ALS2: variants seen among roughly 807,000 people sequenced by gnomAD.
The protein encoded by ALS2 is alsin.
A neutral mutation model predicts 203.4 loss-of-function variants in ALS2; 117 were observed. That is an observed-to-expected ratio of 0.58 (90% CI 0.50 to 0.67). ALS2 has a LOEUF of 0.67. ALS2 is among the 30% of genes least tolerant of loss of function. ALS2 has a pLI of 0.00. For missense variants in ALS2, 1,715 were observed against 1,989.4 expected, an observed-to-expected ratio of 0.86 and a Z score of 2.62; for synonymous variants, 718 against 725.9, an observed-to-expected ratio of 0.99 and a Z score of 0.17.
In ALS2 at chr2:201,753,188, C is replaced by T; in HGVS notation, c.1695G>A (p.Glu565=). The change falls in exon 7 of 34, where the codon GAG becomes GAA. Residue 565 remains glutamate (E), a synonymous_variant. Transcript: ENST00000264276. ...GTGCAAGAGAATGGTAACCACCTGC[C>T]TCCAGATGGATTACTTCTTTGCCAT... ...CLDGKEVIHL[E]AGGYHSLALT... 1 of 1,614,132 alleles carries T rather than the reference C, an allele frequency of 6.2e-7. No homozygotes were observed. The highest frequency in any genetic ancestry group is 2.2e-5 in the East Asian group (1 of 44,872).
At position 201,723,028 on chromosome 2, in the gene ALS2, A is replaced by T; in HGVS notation, c.3702+15T>A. 6.4e-7 allele frequency: 1 copy of T among 1,574,298 alleles called. No homozygotes were observed. The highest frequency in any genetic ancestry group is 8.7e-7 in the Non-Finnish European group (1 of 1,155,652). ...AATTTATTAGGGAGAAAAAAAAAGA[A>T]AGCTAGTTTCCAACCTTTCCACTAA... On this transcript the variant is annotated intron_variant, in intron 23 of 33. Transcript: ENST00000264276.
intron 8 of ALS2, 76 bp from the exon 9 acceptor site, chr2:201,746,824 C>G: frequency 6.5e-7 from 1 of 1,539,358 alleles, no homozygotes; most frequent in Non-Finnish European, 8.9e-7. Context: ...GGAACTGAAA[C>G]GTTAGGTTGC....
In ALS2 at chr2:201,761,038, G is replaced by A. The variant is rs367631249; in HGVS notation, c.956C>T (p.Ser319Phe). The A allele has an allele frequency of 1.3e-4, 204 of 1,614,044 alleles. No homozygotes were observed. The highest frequency in any genetic ancestry group is 1.7e-4 in the Non-Finnish European group (201 of 1,180,032). Reference sequence around the variant, plus strand: ...TGTTCCCATGACATTTTGTTGAGAGGACATGGCATCGCTGCTTGTGATCTG... The same window carrying A: ...TGTTCCCATGACATTTTGTTGAGAGAACATGGCATCGCTGCTTGTGATCTG... ...SAQITSSDAM[S>F]SQQNVMGTTE... The change falls in exon 4 of 34, where the codon TCC (serine) becomes TTC (phenylalanine). Residue 319 changes from serine (S) to phenylalanine (F), a missense_variant. Physicochemically the swap from Ser to Phe is radical, Grantham distance 155. Around this residue, in one of 3 missense-constraint regions of ALS2, gnomAD observed 476 missense variants for 539.3 expected, o/e 0.88. Coordinates refer to ENST00000264276, the MANE Select transcript of ALS2 (RefSeq NM_020919.4).
At chr2:201,729,009 T>C (rs1298082492) in intron 14 of ALS2, 43 bp downstream of exon 14, 1 of 1,613,848 alleles carries the variant, frequency 6.2e-7, no homozygotes, top group African/African-American at 1.3e-5. Flanking sequence ...ATCGAAATGG[T>C]TGCTGTTTGC....
chr2:201,755,645 T>A (rs907614372), intron 5 of ALS2, among the ~76,000 whole-genome samples: 1 of 152,216 alleles, frequency 6.6e-6, no homozygotes, highest in Non-Finnish European at 1.5e-5. Context: ...AAAGAATTCA[T>A]TTTAGCTATA....
Position 201,749,605 on chromosome 2 carries a change from G to A in ALS2, c.1815+107C>T, listed in dbSNP as rs561175169. 4.1e-5 allele frequency: 45 copies of A among 1,092,432 alleles called. No individual in the cohort carries two copies. The South Asian group carries it at 6.0e-4, about 15-fold the overall frequency. The allele number at this position is 1,092,432 out of a possible 1,614,324, so 67.7% of individuals were successfully genotyped here. The stretch of plus-strand genomic sequence containing the variant: ...CTTATGAAAACCAAAACAAATTTAG[G>A]TTGTACGTATGAAATTCCCCCGATA... On this transcript the variant is annotated intron_variant, in intron 8 of 33. Coordinates refer to ENST00000264276, the MANE Select transcript of ALS2 (RefSeq NM_020919.4).
intron 5 of ALS2, 22 bp from the exon 6 acceptor site, chr2:201,754,693 G>A: frequency 1.9e-6 from 3 of 1,613,890 alleles, no homozygotes; most frequent in Non-Finnish European, 2.5e-6. Flanking sequence ...CCAGACGTGG[G>A]GTGAAGGAGT....
chr2:201,713,137 T>TTC (rs1553502220), intron 25 of ALS2, among the ~76,000 whole-genome samples: 3 of 131,576 alleles, frequency 2.3e-5, no homozygotes, highest in Non-Finnish European at 4.7e-5. Flanking sequence ...TCTTTTCTTT[T>TTC]TTTTTTTTTT....
In ALS2 at chr2:201,706,728, T is replaced by G. The variant is rs564945068; in HGVS notation, c.4580+118A>C. On this transcript the variant is annotated intron_variant, in intron 29 of 33. Transcript: ENST00000264276. ...TCACTATTTTGTTAAAGAAGACATA[T>G]GCAAAAAATAATTACAAGCCATATA... 4.8e-5 allele frequency: 50 copies of G among 1,034,308 alleles called. No individual in the cohort carries two copies. In the East Asian group the frequency reaches 1.2e-3, roughly 25 times the overall value. 64.1% of individuals were successfully genotyped at this position (1,034,308 alleles called of 1,614,324 possible).
At chr2:201,712,750 A>G (rs1217221029) in intron 25 of ALS2, among the ~76,000 whole-genome samples, 2 of 35,418 alleles carry the variant, frequency 5.6e-5, no homozygotes, top group Non-Finnish European at 1.4e-4. Flanking sequence ...AAGCAGGAGA[A>G]AAGAAAAAAA....
At chr2:201,768,747 C>A in intron 2 of ALS2, 119 bp downstream of exon 2, 2 of 959,530 alleles carry the variant, frequency 2.1e-6, no homozygotes, top group South Asian at 1.5e-5. Flanking sequence ...CTACAAATGT[C>A]ACTATTCCCA....
At chr2:201,780,685 C>A (rs529219709) in intron 1 of ALS2, among the ~76,000 whole-genome samples, 192 bp downstream of exon 1, 5 of 152,320 alleles carry the variant, frequency 3.3e-5, no homozygotes, top group African/African-American at 1.2e-4. Context: ...GCTGCTGGAC[C>A]GGCAGGAGCA....
At chr2:201,760,462 T>A (rs1406864725) in intron 4 of ALS2, 1 of 995,324 alleles carries the variant, frequency 1.0e-6, no homozygotes, top group African/African-American at 1.7e-5. Context: ...AAAACAATCT[T>A]CCCTGTTAAA....
chr2:201,732,777 G>T (rs1208814882), intron 13 of ALS2, among the ~76,000 whole-genome samples: 1 of 152,142 alleles, frequency 6.6e-6, no homozygotes, highest in African/African-American at 2.4e-5. Context: ...CTAGTTTTAT[G>T]TAAGGGTGGA....
intron 5 of ALS2, 52 bp downstream of exon 5, chr2:201,757,350 A>G (rs1693460166): frequency 7.0e-7 from 1 of 1,426,026 alleles, no homozygotes; most frequent in Non-Finnish European, 9.9e-7. Flanking sequence ...CGATGTCAGG[A>G]GCATCCTGGA....
At chr2:201,717,639 G>GA (rs59265308) in intron 24 of ALS2, among the ~76,000 whole-genome samples, 1,259 of 115,932 alleles carry the variant, frequency 0.011, 10 homozygotes, top group African/African-American at 0.027. Flanking sequence ...TCTTGTTTAA[G>GA]AAAAAAAAAA....
chr2:201,753,309 A>C (rs1693180327), intron 6 of ALS2, 67 bp from the exon 7 acceptor site: 1 of 1,260,390 alleles, frequency 7.9e-7, no homozygotes. Context: ...CCTTTCTCAA[A>C]TTATAAAGTG....
At chr2:201,741,533 G>T in intron 11 of ALS2, 141 bp downstream of exon 11, 2 of 875,974 alleles carry the variant, frequency 2.3e-6, no homozygotes, top group South Asian at 1.5e-5. Flanking sequence ...AACTATAGTT[G>T]GCTTAAGATT....
rs767481134 is a variant in ALS2 at position 201,761,591 on chromosome 2, T to G, written c.403A>C (p.Asn135His). The stretch of plus-strand genomic sequence containing the variant: ...TCAGAATCAGCAATGCTGACAGGAT[T>G]TGGTTCCGGCACATACTGCTGGTTG... ...VANQQYVPEP[N>H]PVSIADSEAS... is the part of the protein sequence containing the mutation. Residue 135 changes from asparagine (N) to histidine (H), a missense_variant, in exon 4 of 34, where the codon AAT (asparagine) becomes CAT (histidine). Around this residue, in one of 3 missense-constraint regions of ALS2, gnomAD observed 476 missense variants for 539.3 expected, o/e 0.88. Coordinates refer to ENST00000264276, the MANE Select transcript of ALS2 (RefSeq NM_020919.4). 1.3e-5 allele frequency: 21 copies of G among 1,614,102 alleles called. No individual in the cohort carries two copies. The highest frequency in any genetic ancestry group is 1.7e-5 in the Non-Finnish European group (20 of 1,180,044).
Sources: gnomAD v4.1 joint callset for allele counts (sites outside exome capture counted in the v4.1 genomes callset) on GRCh38, gnomAD v4.1.1 for gene constraint, gnomAD v4.1.1 regional missense constraint, MANE v1.5 for transcripts, NCBI Gene and HGNC (gene_info 2026-07-23, HGNC 2026-07-21) for gene names.